Variants in RAI1 observed in about 807,000 individuals in gnomAD.
RAI1 encodes the protein retinoic acid induced 1, also known as retinoic acid-induced protein 1.
A neutral mutation model predicts 123.8 loss-of-function variants in RAI1; 9 were observed. The ratio of observed to expected loss-of-function variants is 0.07; its 90% CI spans 0.04 to 0.13. The LOEUF (loss-of-function observed/expected upper bound fraction) is 0.13. Among genes scored for constraint, RAI1 ranks in the 10% least tolerant of loss-of-function variants. The probability of loss-of-function intolerance (pLI) is 1.00; values close to 1 mark genes in which losing one functional copy is unlikely to be tolerated. For synonymous variants in RAI1, 1,231 were observed against 1,127.3 expected (o/e 1.09, Z -1.84); for missense variants, 2,256 against 2,545.8 (o/e 0.89, Z 2.45).
chr17:17,724,906 C>G (rs1013862948), intron 2 of RAI1, among the ~76,000 whole-genome samples: 2 of 152,148 alleles, frequency 1.3e-5, no homozygotes, highest in Non-Finnish European at 2.9e-5. Context: ...ACTCCCCGCA[C>G]GAGAGCCTGC....
intron 2 of RAI1, among the ~76,000 whole-genome samples, chr17:17,743,651 A>T (rs1916715035): frequency 6.6e-6 from 1 of 152,240 alleles, no homozygotes; most frequent in Non-Finnish European, 1.5e-5. Context: ...ATGGGCAGGC[A>T]CCAGGTCTCT....
chr17:17,733,755 G>A (rs1003374813), intron 2 of RAI1, among the ~76,000 whole-genome samples: 5 of 152,202 alleles, frequency 3.3e-5, no homozygotes, highest in African/African-American at 1.2e-4. Context: ...ATGCAGGAGG[G>A]ATTTCCATGT....
chr17:17,695,529 CTCTT>C (rs902212197), intron 1 of RAI1, among the ~76,000 whole-genome samples: 2 of 124,382 alleles, frequency 1.6e-5, no homozygotes, highest in South Asian at 2.2e-4. Context: ...CTTTCTCTCT[CTCTT>C]TTTTTTTTTT....
In RAI1 at chr17:17,797,787, T is replaced by C; in HGVS notation, c.4839T>C (p.Val1613=). Residue 1613 remains valine (V), a synonymous_variant, in exon 3 of 6, where the codon GTT becomes GTC. Transcript: ENST00000353383. ...ACGCGTTCACCACCATATGCACTGTTGTCAACTCCCCTGGAGATGCGCCCA... is the reference window on the plus strand; with the variant it reads ...ACGCGTTCACCACCATATGCACTGTCGTCAACTCCCCTGGAGATGCGCCCA... ...KRDAFTTICT[V]VNSPGDAPKP... The C allele has an allele frequency of 6.2e-7, 1 of 1,614,090 alleles. No individual in the cohort carries two copies. Among genetic ancestry groups the C allele is most frequent in the Non-Finnish European group, 8.5e-7 (1 of 1,180,020 alleles).
Position 17,793,068 on chromosome 17 carries a change from C to G in RAI1, c.120C>G (p.Cys40Trp). The change falls in exon 3 of 6, where the codon TGC becomes TGG. Residue 40 changes from cysteine to tryptophan, a missense_variant. Around this residue, in one of 7 missense-constraint regions of RAI1, gnomAD observed 336 missense variants for 349.8 expected, o/e 0.96. Coordinates refer to ENST00000353383, the MANE Select transcript of RAI1 (RefSeq NM_030665.4). ...AGCCGAGTCAGGCCGGGCTAAGCTG[C>G]GACCGGCAGCGGCTGCTCGCCAAGG... The part of the protein sequence containing the change: ...YRQPSQAGLS[C>W]DRQRLLAKDY... 6.2e-7 allele frequency: 1 copy of G among 1,614,074 alleles called. No individual in the cohort carries two copies. Among genetic ancestry groups the G allele is most frequent in the Admixed American group, 1.7e-5 (1 of 60,036 alleles).
chr17:17,765,274 C>T (rs2030878677), intron 2 of RAI1, among the ~76,000 whole-genome samples: 1 of 152,214 alleles, frequency 6.6e-6, no homozygotes, highest in Non-Finnish European at 1.5e-5. Context: ...CTGCCATGGT[C>T]TCATTTGCAT....
intron 2 of RAI1, among the ~76,000 whole-genome samples, chr17:17,730,605 C>A (rs1203308929): frequency 6.6e-6 from 1 of 152,224 alleles, no homozygotes; most frequent in Non-Finnish European, 1.5e-5. Flanking sequence ...ACTAGTGCAG[C>A]CTCCTGGCTT....
At chr17:17,750,339 A>G (rs2030105742) in intron 2 of RAI1, among the ~76,000 whole-genome samples, 1 of 152,190 alleles carries the variant, frequency 6.6e-6, no homozygotes, top group South Asian at 2.1e-4. Context: ...TATTCTTACA[A>G]CAGCCCTACA....
chr17:17,798,581 G>A, intron 3 of RAI1, 68 bp downstream of exon 3: 1 of 1,581,416 alleles, frequency 6.3e-7, no homozygotes, highest in Non-Finnish European at 8.5e-7. Context: ...GGCAGTCGGG[G>A]AGCCCCTTGT....
At chr17:17,742,592 G>A (rs1916679245) in intron 2 of RAI1, among the ~76,000 whole-genome samples, 1 of 152,188 alleles carries the variant, frequency 6.6e-6, no homozygotes, top group African/African-American at 2.4e-5. Context: ...TATCCCCTCT[G>A]CTTTTAACAA....
intron 2 of RAI1, among the ~76,000 whole-genome samples, chr17:17,756,122 TCTGGAGCCTGCGAAA>T (rs1032691892): frequency 6.6e-6 from 1 of 152,164 alleles, no homozygotes; most frequent in Non-Finnish European, 1.5e-5. Context: ...GGACAGGAGT[TCTGGAGCCTGCGAAA>T]CTTAAGCATC....
At chr17:17,724,401 CTTTCCTTT>C (rs1325380029) in intron 2 of RAI1, among the ~76,000 whole-genome samples, 7 of 104,090 alleles carry the variant, frequency 6.7e-5, no homozygotes, top group South Asian at 5.2e-4. Flanking sequence ...GAATTTCTTT[CTTTCCTTT>C]TTTTTTTTTT....
rs1332542222 is a variant in RAI1, at chr17:17,681,785, G to GGCGCCGAGGTGAGCAGCGA, written c.-150_-149+17dup. The GGCGCCGAGGTGAGCAGCGA allele has an allele frequency of 1.5e-5, 5 of 326,038 alleles. No homozygotes were observed. The highest frequency in any genetic ancestry group is 2.8e-5 in the Non-Finnish European group (5 of 178,644). 20.2% of individuals were successfully genotyped at this position (326,038 alleles called of 1,614,324 possible). A position where few individuals can be genotyped will look rare whatever the true frequency, so the allele number is the denominator to read the frequency against. On this transcript the variant is annotated 5_prime_UTR_variant, in exon 1 of 6. Transcript: ENST00000353383. ...GACCCAAGGCCCCCGAGTGAGCGCG[G>GGCGCCGAGGTGAGCAGCGA]GCGCCGAGGTGAGCAGCGAGCGCCG...
intron 1 of RAI1, among the ~76,000 whole-genome samples, chr17:17,712,860 G>C (rs754831867): frequency 1.3e-5 from 2 of 152,000 alleles, no homozygotes; most frequent in Admixed American, 1.3e-4. Context: ...TTAGAAAATT[G>C]TACATTAAAA....
chr17:17,751,962 T>A (rs1022453195), intron 2 of RAI1, among the ~76,000 whole-genome samples: 3 of 152,286 alleles, frequency 2.0e-5, no homozygotes, highest in Admixed American at 6.5e-5. Flanking sequence ...AGAGTTTTTT[T>A]TTATTTTTTG....
In RAI1 at chr17:17,797,321, T is replaced by C. The variant is rs1026418716; in HGVS notation, c.4373T>C (p.Leu1458Pro). 20 of 1,612,166 alleles carry C rather than the reference T, an allele frequency of 1.2e-5. No homozygotes were observed. The highest frequency in any genetic ancestry group is 1.6e-5 in the Non-Finnish European group (19 of 1,179,798). Reference protein sequence around the residue: ...SRKGRAGAHGLSKGPLEKRPY... With the variant: ...SRKGRAGAHGPSKGPLEKRPY... ...AAAGGCCGGGCAGGGGCCCATGGAC[T>C]CTCCAAAGGCCCGCTGGAGAAGCGG... Residue 1458 changes from leucine to proline, a missense_variant, in exon 3 of 6, where the codon CTC becomes CCC. By Grantham distance (98) the Leu-to-Pro change is moderately conservative (BLOSUM62 -3). Coordinates refer to ENST00000353383, the MANE Select transcript of RAI1 (RefSeq NM_030665.4).
chr17:17,714,880 C>T lies in RAI1; in HGVS notation c.-148-9148C>T, dbSNP rs776220733. On this transcript the variant is annotated intron_variant, in intron 1 of 5. Transcript: ENST00000353383. This position sits in a 1 kb window ranked among gnomAD's most constrained non-coding sequence, Gnocchi z 4.9. Reference sequence around the variant, plus strand: ...GACTTTGGGAGGATTCTCCTTGTCTCGGCCTAGGAGCTTTCTTGCTCAGCT... The same window carrying T: ...GACTTTGGGAGGATTCTCCTTGTCTTGGCCTAGGAGCTTTCTTGCTCAGCT... Among the ~76,000 whole-genome samples the T allele has an allele frequency of 5.3e-5, 8 of 152,210 alleles. No individual in the cohort carries two copies. The highest frequency in any genetic ancestry group is 1.2e-4 in the Non-Finnish European group (8 of 68,044).
Position 17,797,641 on chromosome 17 carries a change from G to A in RAI1, c.4693G>A (p.Val1565Met), listed in dbSNP as rs368106957. Residue 1565 changes from valine (V) to methionine (M), a missense_variant, in exon 3 of 6, where the codon GTG becomes ATG. By Grantham distance (21) the Val-to-Met change is conservative. Coordinates refer to ENST00000353383, the MANE Select transcript of RAI1 (RefSeq NM_030665.4). Reference sequence around the variant, plus strand: ...TGCCAAGCGACGACGACAGCAGCAGGTGCTGCCCCTGGATCCCGCAGAGCC... The same window carrying A: ...TGCCAAGCGACGACGACAGCAGCAGATGCTGCCCCTGGATCCCGCAGAGCC... Reference protein sequence around the residue: ...GRAKRRRQQQVLPLDPAEPEI... With the variant: ...GRAKRRRQQQMLPLDPAEPEI... 237 of 1,613,876 alleles carry A rather than the reference G, an allele frequency of 1.5e-4. No homozygotes were observed. In the Middle Eastern group the frequency reaches 2.8e-3, roughly 19 times the overall value.
chr17:17,682,326 C>T (rs1914456136), intron 1 of RAI1, among the ~76,000 whole-genome samples: 1 of 151,118 alleles, frequency 6.6e-6, no homozygotes, highest in Non-Finnish European at 1.5e-5. Flanking sequence ...TGCTCGGGCT[C>T]TCTGCGGTGT....
Sources: gnomAD v4.1 joint callset for allele counts (sites outside exome capture counted in the v4.1 genomes callset) on GRCh38, gnomAD v4.1.1 for gene constraint, gnomAD v4.1.1 regional missense constraint, Gnocchi (gnomAD v3.1) non-coding constraint, MANE v1.5 for transcripts, NCBI Gene and HGNC (gene_info 2026-07-23, HGNC 2026-07-21) for gene names.